GTF2I: variants seen among roughly 807,000 people sequenced by gnomAD.
The protein encoded by GTF2I is general transcription factor IIi, also known as general transcription factor II-I.
In GTF2I, 12 loss-of-function variants were observed where a neutral mutation model predicts 67.6. The ratio of observed to expected loss-of-function variants is 0.18; its 90% confidence interval spans 0.11 to 0.29. The LOEUF is 0.29. GTF2I is among the 10% of genes least tolerant of loss of function. The pLI, the probability that GTF2I is intolerant of heterozygous loss-of-function variation, is 1.00. For synonymous variants in GTF2I, 149 were observed against 197.0 expected (o/e 0.76, Z 2.04); for missense variants, 271 against 580.1 (o/e 0.47, Z 5.47).
intron 1 of GTF2I, among the ~76,000 whole-genome samples, chr7:74,683,834 C>T (rs1787459879): frequency 6.6e-6 from 1 of 152,052 alleles, no homozygotes; most frequent in Admixed American, 6.6e-5. Flanking sequence ...GCCGGGGCAA[C>T]AGAGCGAGAC....
At chr7:74,698,379 C>T (rs782461838) in intron 3 of GTF2I, among the ~76,000 whole-genome samples, 33 of 147,276 alleles carry the variant, frequency 2.2e-4, no homozygotes, top group Non-Finnish European at 3.6e-4. Flanking sequence ...TGTGAGCCAC[C>T]GCACCTGGCC....
intron 1 of GTF2I, among the ~76,000 whole-genome samples, chr7:74,681,709 C>T (rs782612767): frequency 2.0e-5 from 3 of 152,098 alleles, no homozygotes; most frequent in Admixed American, 6.6e-5. Context: ...ATCAGAAGTT[C>T]GAGACCAGCC....
Position 74,713,090 on chromosome 7 carries a change from T to C in GTF2I, c.764-1767T>C, listed in dbSNP as rs145212696. Among the ~76,000 whole-genome samples, 15 of 152,270 alleles carry C rather than the reference T, an allele frequency of 9.9e-5. No individual in the cohort carries two copies. The East Asian group carries it at 2.9e-3, about 29-fold the overall frequency. Reference sequence around the variant, plus strand: ...GGGTGAATAAAATCAAGTACCATTTTTAGGGTGAATAAAATTCAAATATGG... The same window carrying C: ...GGGTGAATAAAATCAAGTACCATTTCTAGGGTGAATAAAATTCAAATATGG... On this transcript the variant is annotated intron_variant, in intron 9 of 34. Coordinates refer to ENST00000573035, the MANE Select transcript of GTF2I (RefSeq NM_032999.4).
intron 1 of GTF2I, among the ~76,000 whole-genome samples, chr7:74,670,714 A>C (rs149235352): frequency 0.015 from 2,271 of 151,656 alleles, 27 homozygotes; most frequent in African/African-American, 0.027. Context: ...AAAAAACAAA[A>C]AAAAAAAACA....
chr7:74,716,993 A>T, intron 11 of GTF2I, 43 bp downstream of exon 11: 1 of 1,556,614 alleles, frequency 6.4e-7, no homozygotes, highest in Non-Finnish European at 8.8e-7. Flanking sequence ...TATTTGTTGT[A>T]TGTTTATTCT....
At chr7:74,680,103 T>A (rs782274218) in intron 1 of GTF2I, among the ~76,000 whole-genome samples, 1,865 of 103,042 alleles carry the variant, frequency 0.018, 33 homozygotes, top group African/African-American at 0.048. Context: ...AAAAAAAATA[T>A]ATATATATAT....
chr7:74,664,643 G>C (rs1804811150), intron 1 of GTF2I, among the ~76,000 whole-genome samples: 1 of 152,068 alleles, frequency 6.6e-6, no homozygotes, highest in South Asian at 2.1e-4. Context: ...ATGTTGGCCA[G>C]GCTGGTCTCA....
intron 12 of GTF2I, among the ~76,000 whole-genome samples, chr7:74,721,738 C>G (rs1231656651): frequency 6.6e-6 from 1 of 151,468 alleles, no homozygotes; most frequent in Non-Finnish European, 1.5e-5. Flanking sequence ...TTTAGATACC[C>G]GTAGTTAGGA....
intron 2 of GTF2I, among the ~76,000 whole-genome samples, chr7:74,689,715 T>A (rs1164987563): frequency 6.6e-6 from 1 of 151,800 alleles, no homozygotes; most frequent in Non-Finnish European, 1.5e-5. Flanking sequence ...AGTCATTCAT[T>A]CATTCATTCA....
At chr7:74,696,887 G>A (rs1279861290) in intron 3 of GTF2I, among the ~76,000 whole-genome samples, 1 of 152,050 alleles carries the variant, frequency 6.6e-6, no homozygotes, top group African/African-American at 2.4e-5. Flanking sequence ...AGGTTTATGA[G>A]GCAATCATAG....
At position 74,674,736 on chromosome 7, in the gene GTF2I, G is replaced by A. The variant is rs140628653; in HGVS notation, c.-5-14388G>A. Among the ~76,000 whole-genome samples, 504 of 151,300 alleles carry A rather than the reference G, an allele frequency of 3.3e-3. 1 individual carries two copies. The highest frequency in any genetic ancestry group is 0.012 in the African/African-American group (475 of 41,250). On this transcript the variant is annotated intron_variant, in intron 1 of 34. Transcript: ENST00000573035. ...CATTTTTTTTTTTTTTAGTGGAGAC[G>A]GGGTTTCTCCATGTTGGTCAGGCTG...
intron 1 of GTF2I, among the ~76,000 whole-genome samples, chr7:74,683,659 C>A (rs1184794501): frequency 2.0e-5 from 3 of 152,128 alleles, no homozygotes; most frequent in Admixed American, 6.6e-5. Flanking sequence ...TCAAGACCAG[C>A]CTGCCCAATG....
At chr7:74,683,491 TTATG>T (rs1415543245) in intron 1 of GTF2I, among the ~76,000 whole-genome samples, 5 of 152,178 alleles carry the variant, frequency 3.3e-5, no homozygotes, top group Non-Finnish European at 7.3e-5. Context: ...AATGAGCAAA[TTATG>T]TCATAAATAC....
At chr7:74,702,461 C>A (rs185870889) in intron 6 of GTF2I, among the ~76,000 whole-genome samples, 5 of 152,226 alleles carry the variant, frequency 3.3e-5, no homozygotes, top group Non-Finnish European at 4.4e-5. Context: ...CTCTTGACCT[C>A]ATGATCAAGG....
chr7:74,723,854 GAAAAA>G (rs1400817751), intron 12 of GTF2I, among the ~76,000 whole-genome samples: 1 of 139,044 alleles, frequency 7.2e-6, no homozygotes, highest in African/African-American at 2.6e-5. Flanking sequence ...AGAAAAGGGG[GAAAAA>G]AAAAAAAAGA....
intron 1 of GTF2I, among the ~76,000 whole-genome samples, chr7:74,674,986 G>A (rs1240481511): frequency 6.6e-6 from 1 of 151,972 alleles, no homozygotes; most frequent in African/African-American, 2.4e-5. Context: ...CCAAGTAGCT[G>A]GGATTACAGG....
At chr7:74,661,556 G>A (rs1049572008) in intron 1 of GTF2I, among the ~76,000 whole-genome samples, 1 of 152,034 alleles carries the variant, frequency 6.6e-6, no homozygotes, top group African/African-American at 2.4e-5. Flanking sequence ...GCGTGCGTAC[G>A]TAGTTTCAGC....
At chr7:74,717,768 CTTCT>C (rs1326036739) in intron 11 of GTF2I, among the ~76,000 whole-genome samples, 1 of 151,430 alleles carries the variant, frequency 6.6e-6, no homozygotes, top group African/African-American at 2.4e-5. Context: ...GATCTTTTAC[CTTCT>C]TTGAGGGAAA....
chr7:74,690,862 C>A (rs993882048), intron 2 of GTF2I, 111 bp from the exon 3 acceptor site: 28 of 1,015,690 alleles, frequency 2.8e-5, no homozygotes, highest in Non-Finnish European at 3.7e-5. Flanking sequence ...CAAAAACTAT[C>A]TTGAAAGAGA....
Sources: gnomAD v4.1 joint callset for allele counts (sites outside exome capture counted in the v4.1 genomes callset) on GRCh38, gnomAD v4.1.1 for gene constraint, MANE v1.5 for transcripts, NCBI Gene and HGNC (gene_info 2026-07-23, HGNC 2026-07-21) for gene names.